FXYD6: variants seen among roughly 807,000 people sequenced by gnomAD.
The protein encoded by FXYD6 is FXYD domain containing ion transport regulator 6, also known as FXYD domain-containing ion transport regulator 6.
Under a neutral mutation model 16.7 loss-of-function variants are expected in FXYD6, and 7 were observed. That is an observed-to-expected ratio of 0.42 (90% confidence interval 0.24 to 0.79). The LOEUF is 0.79. FXYD6 is among the 30% of genes least tolerant of loss of function. The pLI is 0.28. For synonymous variants in FXYD6, 49 were observed against 43.0 expected (o/e 1.14, Z -0.54); for missense variants, 111 against 116.2 (o/e 0.95, Z 0.21).
intron 1 of FXYD6, among the ~76,000 whole-genome samples, chr11:117,866,073 T>G (rs1431521188): frequency 1.3e-5 from 2 of 152,116 alleles, no homozygotes; most frequent in African/African-American, 4.8e-5. Flanking sequence ...TCCACTCATA[T>G]GAGGCACGTA....
In FXYD6 at chr11:117,850,184, C is replaced by T. The variant is rs138607523; in HGVS notation, c.-5-7403G>A. Among the ~76,000 whole-genome samples the T allele has an allele frequency of 1.8e-3, 277 of 151,770 alleles. 1 individual carries two copies. Among genetic ancestry groups the T allele is most frequent in the Non-Finnish European group, 3.4e-3 (228 of 67,842 alleles). On this transcript the variant is annotated intron_variant, in intron 1 of 7. Coordinates refer to ENST00000526014, the MANE Select transcript of FXYD6 (RefSeq NM_022003.4). ...TCTTTGGGGAGGCGGATTTGAGAGC[C>T]GTTCTCCGGCCTCCTTGCTTGGTGG...
intron 1 of FXYD6, among the ~76,000 whole-genome samples, chr11:117,874,400 C>A (rs1252616017): frequency 1.3e-5 from 2 of 152,184 alleles, no homozygotes; most frequent in Non-Finnish European, 1.5e-5. Flanking sequence ...ACACCCGCTT[C>A]CTCTCCTAGA....
intron 1 of FXYD6, among the ~76,000 whole-genome samples, chr11:117,871,476 G>A (rs1019482639): frequency 5.9e-5 from 9 of 152,122 alleles, no homozygotes; most frequent in South Asian, 2.1e-4. Context: ...GAGGCGGGGC[G>A]TGTCCCTCTG....
chr11:117,874,454 G>A (rs970124800), intron 1 of FXYD6, among the ~76,000 whole-genome samples: 19 of 152,164 alleles, frequency 1.2e-4, no homozygotes, highest in Admixed American at 5.9e-4. Flanking sequence ...GCAGGAAAAC[G>A]TGCCAGGAAG....
intron 1 of FXYD6, among the ~76,000 whole-genome samples, chr11:117,866,385 C>A (rs1225967852): frequency 6.6e-6 from 1 of 152,124 alleles, no homozygotes; most frequent in Non-Finnish European, 1.5e-5. Flanking sequence ...AACTCCTGAC[C>A]AAGCTGGGCT....
chr11:117,842,612 G>A (rs2056375785), intron 2 of FXYD6, 107 bp downstream of exon 2: 13 of 1,149,792 alleles, frequency 1.1e-5, no homozygotes, highest in South Asian at 5.5e-5. Flanking sequence ...CATGAAGAAC[G>A]TGAGAGTCCC....
intron 1 of FXYD6, among the ~76,000 whole-genome samples, chr11:117,871,011 G>A (rs1326264305): frequency 6.6e-6 from 1 of 152,150 alleles, no homozygotes; most frequent in Non-Finnish European, 1.5e-5. Flanking sequence ...CAAAGGATCT[G>A]TAGGGAATTT....
chr11:117,839,795 C>T lies in FXYD6; in HGVS notation c.*7G>A, dbSNP rs2056294968. On this transcript the variant is annotated 3_prime_UTR_variant, in exon 7 of 8. Transcript: ENST00000526014. ...GAGCATCTCACCTTCCACCTGATGG[C>T]TGCACTTCAGTTCTCTGCTTTCTGG... is the stretch of plus-strand genomic sequence containing the variant. 1 of 1,614,212 alleles carries T rather than the reference C, an allele frequency of 6.2e-7. No homozygotes were observed.
rs561126783 is a variant in FXYD6 at position 117,874,494 on chromosome 11, G to A, written c.-6+2098C>T. Among the ~76,000 whole-genome samples, 11 of 152,294 alleles carry A rather than the reference G, an allele frequency of 7.2e-5. No homozygotes were observed. The South Asian group carries it at 2.1e-3, about 29-fold the overall frequency. On this transcript the variant is annotated intron_variant, in intron 1 of 7. Transcript: ENST00000526014. ...GGTGGCCTGAACCCCAGGCAACGGC[G>A]GGTAGCCCTAACTTTCGCTTTCTTG... is the stretch of plus-strand genomic sequence containing the variant.
chr11:117,874,525 T>A (rs1755608556), intron 1 of FXYD6, among the ~76,000 whole-genome samples: 1 of 152,222 alleles, frequency 6.6e-6, no homozygotes, highest in Non-Finnish European at 1.5e-5. Flanking sequence ...TCTTGACTCC[T>A]GTGGCCCCTC....
Position 117,872,095 on chromosome 11 carries a change from GGA to G in FXYD6, c.-6+4495_-6+4496del, listed in dbSNP as rs1365958206. ...TTTTGAGCAGAGGAGTGGCAAACCT[GGA>G]CCTGAGCTGTAACATCAGTGGGTAA... On this transcript the variant is annotated intron_variant, in intron 1 of 7. Transcript: ENST00000526014. The surrounding 1 kb of genome is among the most constrained non-coding windows in gnomAD (Gnocchi z 4.9). Among the ~76,000 whole-genome samples the G allele has an allele frequency of 6.6e-6, 1 of 152,148 alleles. No individual in the cohort carries two copies. The highest frequency in any genetic ancestry group is 1.5e-5 in the Non-Finnish European group (1 of 68,036).
At chr11:117,839,756 C>A (rs755579830) in intron 7 of FXYD6, 25 bp downstream of exon 7, 1 of 1,614,142 alleles carries the variant, frequency 6.2e-7, no homozygotes, top group Non-Finnish European at 8.5e-7. Flanking sequence ...GCAACAGGGG[C>A]CAATCCAGGC....
intron 1 of FXYD6, among the ~76,000 whole-genome samples, chr11:117,859,555 G>A (rs1236999335): frequency 1.3e-5 from 2 of 152,176 alleles, no homozygotes; most frequent in African/African-American, 4.8e-5. Context: ...TATTCTTAGT[G>A]CTTTAAATGC....
At chr11:117,858,707 CTCTCTCT>C (rs2056817339) in intron 1 of FXYD6, among the ~76,000 whole-genome samples, 3 of 125,770 alleles carry the variant, frequency 2.4e-5, no homozygotes, top group African/African-American at 8.8e-5. Context: ...TTCTTTCTCT[CTCTCTCT>C]CCTTCCTTCC....
intron 1 of FXYD6, among the ~76,000 whole-genome samples, chr11:117,871,679 G>T (rs1317398852): frequency 6.6e-6 from 1 of 152,130 alleles, no homozygotes; most frequent in Non-Finnish European, 1.5e-5. Flanking sequence ...CTAATAATGT[G>T]TCATTACTAT....
At chr11:117,850,589 GT>G (rs1303575502) in intron 1 of FXYD6, among the ~76,000 whole-genome samples, 1 of 152,268 alleles carries the variant, frequency 6.6e-6, no homozygotes, top group East Asian at 1.9e-4. Flanking sequence ...TCTGCCATCT[GT>G]TTTTTCCCTA....
At chr11:117,855,268 T>G (rs1230057094) in intron 1 of FXYD6, among the ~76,000 whole-genome samples, 1 of 152,194 alleles carries the variant, frequency 6.6e-6, no homozygotes, top group African/African-American at 2.4e-5. Context: ...TGACCCATTC[T>G]CTACTCCTGC....
chr11:117,862,289 C>T (rs1026100143), intron 1 of FXYD6, among the ~76,000 whole-genome samples: 2 of 152,230 alleles, frequency 1.3e-5, no homozygotes, highest in East Asian at 1.9e-4. Flanking sequence ...ATCAAGCAAG[C>T]CCTCACGTCA....
chr11:117,866,525 T>C (rs2057017954), intron 1 of FXYD6, among the ~76,000 whole-genome samples: 2 of 152,180 alleles, frequency 1.3e-5, no homozygotes, highest in South Asian at 4.1e-4. Flanking sequence ...CTGCTGACTA[T>C]GACTGAGGTT....
Sources: allele counts gnomAD v4.1 joint callset (sites outside exome capture counted in the v4.1 genomes callset), GRCh38; gene constraint gnomAD v4.1.1; non-coding constraint Gnocchi (gnomAD v3.1); transcripts MANE v1.5; gene names NCBI Gene and HGNC (gene_info 2026-07-23, HGNC 2026-07-21).